TRHDE: variants seen among roughly 807,000 people sequenced by gnomAD.
TRHDE encodes the protein thyrotropin-releasing hormone-degrading ectoenzyme.
In TRHDE, 72 loss-of-function variants were observed where a neutral mutation model predicts 125.7. The observed-to-expected ratio is 0.57, with a 90% CI of 0.47 to 0.70. The LOEUF (loss-of-function observed/expected upper bound fraction) is 0.70. Among genes scored for constraint, TRHDE ranks in the 30% least tolerant of loss-of-function variants. The pLI is 0.00. For missense variants in TRHDE, 1,110 were observed against 1,327.1 expected, an observed-to-expected ratio of 0.84 and a Z score of 2.54; for synonymous variants, 509 against 509.1, an observed-to-expected ratio of 1.00 and a Z score of 0.00.
intron 2 of TRHDE, among the ~76,000 whole-genome samples, chr12:72,148,280 A>G (rs1171021150): frequency 6.6e-6 from 1 of 152,226 alleles, no homozygotes; most frequent in Non-Finnish European, 1.5e-5. Flanking sequence ...ATCCAACAGC[A>G]TTAGAAAATA....
chr12:72,241,120 C>A (rs1344112868), intron 2 of TRHDE, among the ~76,000 whole-genome samples: 2 of 152,176 alleles, frequency 1.3e-5, no homozygotes, highest in South Asian at 2.1e-4. Context: ...CTGCACCCCA[C>A]TCCCAATACA....
intron 7 of TRHDE, among the ~76,000 whole-genome samples, chr12:72,547,729 A>G (rs1592528123): frequency 6.6e-6 from 1 of 151,916 alleles, no homozygotes; most frequent in African/African-American, 2.4e-5. Flanking sequence ...CTCCCAACCC[A>G]GGACTTTCTC....
At chr12:72,484,743 A>G (rs1877325341) in intron 5 of TRHDE, among the ~76,000 whole-genome samples, 1 of 152,208 alleles carries the variant, frequency 6.6e-6, no homozygotes, top group Admixed American at 6.5e-5. Flanking sequence ...TGTTTTGAGG[A>G]AACAGGAAAA....
At chr12:72,423,826 G>C (rs1874065322) in intron 3 of TRHDE, among the ~76,000 whole-genome samples, 1 of 152,024 alleles carries the variant, frequency 6.6e-6, no homozygotes, top group Non-Finnish European at 1.5e-5. Context: ...AGGAATCAGA[G>C]AGGCAATGTG....
chr12:72,149,843 T>A (rs1032683032), intron 2 of TRHDE, among the ~76,000 whole-genome samples: 3 of 152,188 alleles, frequency 2.0e-5, no homozygotes, highest in Admixed American at 1.3e-4. Flanking sequence ...TTATTCTATA[T>A]GAATAAATAT....
intron 3 of TRHDE, among the ~76,000 whole-genome samples, chr12:72,435,180 C>T (rs1485584614): frequency 2.0e-5 from 3 of 152,188 alleles, no homozygotes; most frequent in African/African-American, 7.2e-5. Context: ...AATTTGTAAA[C>T]TGCTGACTAC....
chr12:72,495,034 C>T (rs1200625977), intron 5 of TRHDE, among the ~76,000 whole-genome samples: 4 of 141,126 alleles, frequency 2.8e-5, no homozygotes, highest in African/African-American at 1.1e-4. Flanking sequence ...TTCTACTTCT[C>T]CATTTCTGTC....
rs996200650 is a variant in TRHDE at position 72,650,692 on chromosome 12, G to T, written c.2676-1630G>T. ...TAGTGATTTCAGTAGATATTTTGTTGTTTTTTTTTCTTGCAAGTTTTTATT... is the reference window on the plus strand; with the variant it reads ...TAGTGATTTCAGTAGATATTTTGTTTTTTTTTTTTCTTGCAAGTTTTTATT... On this transcript the variant is annotated intron_variant, in intron 15 of 18. Coordinates refer to ENST00000261180, the MANE Select transcript of TRHDE (RefSeq NM_013381.3). Among the ~76,000 whole-genome samples the T allele has an allele frequency of 2.7e-5, 4 of 150,598 alleles. No individual in the cohort carries two copies. In the East Asian group the frequency reaches 7.8e-4, roughly 29 times the overall value.
intron 18 of TRHDE, among the ~76,000 whole-genome samples, chr12:72,657,623 G>A (rs1433930154): frequency 1.3e-5 from 2 of 152,132 alleles, no homozygotes; most frequent in African/African-American, 2.4e-5. Context: ...AAGGACTGGT[G>A]TCCAGGTTAT....
intron 1 of TRHDE, among the ~76,000 whole-genome samples, chr12:72,276,657 G>A (rs968612358): frequency 6.6e-6 from 1 of 152,192 alleles, no homozygotes; most frequent in South Asian, 2.1e-4. Flanking sequence ...ATACTGTAAT[G>A]TACAAAGGTT....
chr12:72,554,213 G>A (rs1300572665), intron 7 of TRHDE, among the ~76,000 whole-genome samples: 1 of 152,034 alleles, frequency 6.6e-6, no homozygotes, highest in Non-Finnish European at 1.5e-5. Context: ...GAAGATTGAA[G>A]AAGACTTTTG....
At chr12:72,483,902 G>A (rs1380894066) in intron 5 of TRHDE, among the ~76,000 whole-genome samples, 1 of 151,784 alleles carries the variant, frequency 6.6e-6, no homozygotes, top group Non-Finnish European at 1.5e-5. Context: ...AAAATCTATT[G>A]ATCAATTAAT....
chr12:72,194,389 A>T (rs532820797), intron 2 of TRHDE, among the ~76,000 whole-genome samples: 2 of 152,024 alleles, frequency 1.3e-5, no homozygotes, highest in Admixed American at 1.3e-4. Flanking sequence ...CACTTGCCCA[A>T]TTGCCTGTAG....
intron 6 of TRHDE, among the ~76,000 whole-genome samples, chr12:72,505,793 C>A (rs1878332221): frequency 6.6e-6 from 1 of 152,128 alleles, no homozygotes; most frequent in African/African-American, 2.4e-5. Flanking sequence ...CTTTGACCAA[C>A]AGAAGTCAAC....
At chr12:72,534,806 CT>C (rs1371398414) in intron 6 of TRHDE, among the ~76,000 whole-genome samples, 3 of 151,758 alleles carry the variant, frequency 2.0e-5, no homozygotes, top group African/African-American at 7.3e-5. Flanking sequence ...ATGTATAGAG[CT>C]CAGAATATAG....
intron 2 of TRHDE, among the ~76,000 whole-genome samples, chr12:72,221,663 C>T (rs1878003013): frequency 6.6e-6 from 1 of 151,928 alleles, no homozygotes; most frequent in Non-Finnish European, 1.5e-5. Flanking sequence ...GTAGGTGTGG[C>T]TTTTAAAAAG....
intron 2 of TRHDE, among the ~76,000 whole-genome samples, chr12:72,114,993 T>G (rs1875409145): frequency 6.6e-6 from 1 of 152,106 alleles, no homozygotes; most frequent in African/African-American, 2.4e-5. Flanking sequence ...CATATATTAA[T>G]GGGGTGTATG....
chr12:72,646,713 A>C (rs946692470), intron 15 of TRHDE, among the ~76,000 whole-genome samples: 1 of 152,036 alleles, frequency 6.6e-6, no homozygotes, highest in Non-Finnish European at 1.5e-5. Context: ...ACAGACTTTA[A>C]GTCAAAAACC....
intron 2 of TRHDE, among the ~76,000 whole-genome samples, chr12:72,195,741 G>C (rs898482090): frequency 2.0e-5 from 3 of 152,014 alleles, no homozygotes; most frequent in African/African-American, 7.2e-5. Flanking sequence ...GGTCCCACTT[G>C]TCAATTTTTG....
Sources: gnomAD v4.1 joint callset for allele counts (sites outside exome capture counted in the v4.1 genomes callset) on GRCh38, gnomAD v4.1.1 for gene constraint, MANE v1.5 for transcripts, NCBI Gene and HGNC (gene_info 2026-07-23, HGNC 2026-07-21) for gene names.